Variants in GPR158 observed in about 807,000 individuals in gnomAD.
The protein encoded by GPR158 is metabotropic glycine receptor.
A neutral mutation model predicts 78.2 loss-of-function variants in GPR158; 30 were observed. The observed-to-expected ratio is 0.38, with a 90% CI of 0.29 to 0.52. The LOEUF (loss-of-function observed/expected upper bound fraction) is 0.52. Ranked by LOEUF, GPR158 falls within the 20% of genes least tolerant of loss-of-function variation. The pLI, the probability that GPR158 is intolerant of heterozygous loss-of-function variation, is 0.83. For synonymous variants in GPR158, 581 were observed against 591.1 expected, an observed-to-expected ratio of 0.98 and a Z score of 0.25; for missense variants, 1,463 against 1,523.5, an observed-to-expected ratio of 0.96 and a Z score of 0.66.
chr10:25,249,251 C>G (rs1853753197), intron 2 of GPR158, among the ~76,000 whole-genome samples: 1 of 152,130 alleles, frequency 6.6e-6, no homozygotes, highest in South Asian at 2.1e-4. Flanking sequence ...ATCATGTCAT[C>G]TGCAAACAGG....
At chr10:25,205,595 A>G (rs566762110) in intron 1 of GPR158, among the ~76,000 whole-genome samples, 138 of 152,254 alleles carry the variant, frequency 9.1e-4, no homozygotes, top group African/African-American at 3.2e-3. Context: ...CTTTAGCTGT[A>G]TCCCAGAGAT....
intron 5 of GPR158, among the ~76,000 whole-genome samples, chr10:25,471,294 T>A (rs1835497704): frequency 6.6e-6 from 1 of 152,146 alleles, no homozygotes; most frequent in African/African-American, 2.4e-5. Context: ...GAACTCATCC[T>A]TTTTTATGGC....
Position 25,249,387 on chromosome 10 carries a change from G to A in GPR158, c.1008+28230G>A, listed in dbSNP as rs1853755654. 2.0e-5 allele frequency among the ~76,000 whole-genome samples: 3 copies of A among 152,168 alleles called. No homozygotes were observed. The South Asian group carries it at 6.2e-4, about 32-fold the overall frequency. ...GTGAGGGAGGGCATCCCTGTCTTGT[G>A]CCAGTTTTCAAAGGGAATGCTTCCA... On this transcript the variant is annotated intron_variant, in intron 2 of 10. Coordinates refer to ENST00000376351, the MANE Select transcript of GPR158 (RefSeq NM_020752.3).
chr10:25,441,056 G>T (rs1255521022), intron 4 of GPR158, among the ~76,000 whole-genome samples: 2 of 152,138 alleles, frequency 1.3e-5, no homozygotes, highest in African/African-American at 4.8e-5. Context: ...CATAAAAAAG[G>T]CTATAACCCT....
In GPR158 at chr10:25,416,981, C is replaced by A. The variant is rs142183253; in HGVS notation, c.1335+4508C>A. Among the ~76,000 whole-genome samples the A allele has an allele frequency of 4.1e-3, 620 of 152,074 alleles. 3 individuals carry two copies. Among genetic ancestry groups the A allele is most frequent in the Non-Finnish European group, 4.9e-3 (334 of 67,972 alleles). ...CAGGGATACTGTTCTCACCCAGTGC[C>A]AGCAGGAAGGGCTTTCCTGGAGTTT... On this transcript the variant is annotated intron_variant, in intron 4 of 10. Coordinates refer to ENST00000376351, the MANE Select transcript of GPR158 (RefSeq NM_020752.3).
intron 6 of GPR158, among the ~76,000 whole-genome samples, chr10:25,557,537 C>CA (rs1435825654): frequency 6.6e-6 from 1 of 152,232 alleles, no homozygotes; most frequent in East Asian, 1.9e-4. Flanking sequence ...CCCCACCCTG[C>CA]CGCCTCCAGT....
rs145342939 is a variant in GPR158 at position 25,232,514 on chromosome 10, C to A, written c.1008+11357C>A. ...CTGACTGTATTATACAAGAATTAAA[C>A]TCTGTTCCCTGATATCTTCTTTTTC... On this transcript the variant is annotated intron_variant, in intron 2 of 10. Coordinates refer to ENST00000376351, the MANE Select transcript of GPR158 (RefSeq NM_020752.3). Among the ~76,000 whole-genome samples, 442 of 152,282 alleles carry A rather than the reference C, an allele frequency of 2.9e-3. 3 individuals are homozygous for A. The highest frequency in any genetic ancestry group is 0.01 in the African/African-American group (431 of 41,576).
intron 5 of GPR158, among the ~76,000 whole-genome samples, chr10:25,522,455 G>T (rs1205390419): frequency 6.6e-6 from 1 of 152,174 alleles, no homozygotes; most frequent in Non-Finnish European, 1.5e-5. Context: ...TAACCCTGTT[G>T]ATGGCAATGC....
At chr10:25,250,370 G>C (rs1588758107) in intron 2 of GPR158, among the ~76,000 whole-genome samples, 1 of 138,008 alleles carries the variant, frequency 7.2e-6, no homozygotes, top group Non-Finnish European at 1.6e-5. Flanking sequence ...GAATGTGTTT[G>C]CTCTTGCTTT....
At chr10:25,521,087 G>T (rs575037979) in intron 5 of GPR158, among the ~76,000 whole-genome samples, 78 of 152,320 alleles carry the variant, frequency 5.1e-4, no homozygotes, top group African/African-American at 1.9e-3. Context: ...TCCTAAGCCC[G>T]TCGGAAAAGC....
intron 5 of GPR158, among the ~76,000 whole-genome samples, chr10:25,494,851 A>G (rs1312484653): frequency 6.6e-6 from 1 of 152,200 alleles, no homozygotes; most frequent in Non-Finnish European, 1.5e-5. Flanking sequence ...ATTTTAAAAT[A>G]CATTTTATTT....
chr10:25,329,435 G>C (rs1267532752), intron 2 of GPR158, among the ~76,000 whole-genome samples: 1 of 143,116 alleles, frequency 7.0e-6, no homozygotes, highest in Non-Finnish European at 1.5e-5. Context: ...GTGAGACTCC[G>C]TTTCAAAAAA....
At chr10:25,583,972 T>C (rs1225503353) in intron 7 of GPR158, among the ~76,000 whole-genome samples, 1 of 152,198 alleles carries the variant, frequency 6.6e-6, no homozygotes, top group Admixed American at 6.5e-5. Flanking sequence ...AAAGAACTTA[T>C]ACTAATTTTC....
intron 5 of GPR158, among the ~76,000 whole-genome samples, chr10:25,488,658 C>G (rs1185315584): frequency 6.6e-6 from 1 of 152,052 alleles, no homozygotes; most frequent in Non-Finnish European, 1.5e-5. Flanking sequence ...CTTTATATAG[C>G]TCTTCCTTCT....
intron 2 of GPR158, among the ~76,000 whole-genome samples, chr10:25,309,949 C>A (rs1008796811): frequency 1.4e-5 from 2 of 140,534 alleles, no homozygotes; most frequent in Non-Finnish European, 3.0e-5. Flanking sequence ...TGAGAACAGA[C>A]TAATAATACC....
rs200950205 is a variant in GPR158 at position 25,522,882 on chromosome 10, AT to A, written c.1405-28092del. Among the ~76,000 whole-genome samples the A allele has an allele frequency of 7.0e-3, 1,067 of 152,274 alleles. 2 individuals carry two copies. Among genetic ancestry groups the A allele is most frequent in the Non-Finnish European group, 0.011 (733 of 68,020 alleles). On this transcript the variant is annotated intron_variant, in intron 5 of 10. Transcript: ENST00000376351. ...TGATTGTAACAAAATTTATACACGT[AT>A]TAATTTGTGTGGTGTGCAGATGTCA...
chr10:25,433,959 A>C (rs1588862438), intron 4 of GPR158, among the ~76,000 whole-genome samples: 1 of 151,332 alleles, frequency 6.6e-6, no homozygotes, highest in Non-Finnish European at 1.5e-5. Context: ...GGAGATTGAG[A>C]CCGTCCTGGC....
intron 2 of GPR158, among the ~76,000 whole-genome samples, chr10:25,365,370 C>A (rs1434070963): frequency 1.3e-5 from 2 of 151,700 alleles, no homozygotes; most frequent in Non-Finnish European, 3.0e-5. Flanking sequence ...CTAGTTCCTG[C>A]CTTTTGATTT....
At chr10:25,406,828 A>G (rs897640196) in intron 3 of GPR158, among the ~76,000 whole-genome samples, 2 of 152,170 alleles carry the variant, frequency 1.3e-5, no homozygotes, top group African/African-American at 4.8e-5. Context: ...TGAGAAAGAT[A>G]TTAGTAGGAG....
Sources: gnomAD v4.1 joint callset for allele counts (sites outside exome capture counted in the v4.1 genomes callset) on GRCh38, gnomAD v4.1.1 for gene constraint, MANE v1.5 for transcripts, NCBI Gene and HGNC (gene_info 2026-07-23, HGNC 2026-07-21) for gene names.